CCDC191: variants seen among roughly 807,000 people sequenced by gnomAD.
CCDC191 encodes the protein coiled-coil domain containing 191.
A neutral mutation model predicts 114.0 loss-of-function variants in CCDC191; 99 were observed. That is an observed-to-expected ratio of 0.87 (90% CI 0.74 to 1.03). CCDC191 has a LOEUF of 1.03. Ranked by LOEUF, CCDC191 falls within the 50% of genes least tolerant of loss-of-function variation. The probability of loss-of-function intolerance (pLI) is 0.00; values close to 1 mark genes in which losing one functional copy is unlikely to be tolerated. For missense variants in CCDC191, 973 were observed against 1,087.0 expected, an observed-to-expected ratio of 0.90 and a Z score of 1.47; for synonymous variants, 351 against 376.0, an observed-to-expected ratio of 0.93 and a Z score of 0.77.
At chr3:113,978,649 C>G (rs889139244) in intron 15 of CCDC191, 13 of 616,744 alleles carry the variant, frequency 2.1e-5, no homozygotes, top group Non-Finnish European at 3.3e-5. Context: ...TTTATACACA[C>G]TCCGTGAAAC....
intron 10 of CCDC191, 30 bp downstream of exon 10, chr3:114,005,478 G>A: frequency 1.3e-6 from 2 of 1,566,318 alleles, no homozygotes; most frequent in Non-Finnish European, 1.7e-6. Flanking sequence ...CTTAAAATGA[G>A]TCCAGCGAGT....
intron 16 of CCDC191, among the ~76,000 whole-genome samples, chr3:113,975,522 G>A (rs1277074203): frequency 1.3e-5 from 2 of 152,160 alleles, no homozygotes; most frequent in Non-Finnish European, 2.9e-5. Flanking sequence ...TGTTACCTAT[G>A]TACTGAGCGC....
intron 16 of CCDC191, among the ~76,000 whole-genome samples, chr3:113,973,748 T>C (rs1251493080): frequency 6.6e-6 from 1 of 152,088 alleles, no homozygotes; most frequent in Non-Finnish European, 1.5e-5. Flanking sequence ...TTTAGGATCC[T>C]CTTTGTCCTT....
intron 13 of CCDC191, among the ~76,000 whole-genome samples, chr3:113,995,261 T>A (rs2107644506): frequency 6.6e-6 from 1 of 152,180 alleles, no homozygotes; most frequent in Admixed American, 6.5e-5. Context: ...ACTTCAGCAC[T>A]CCACAATATA....
chr3:113,981,245 A>G (rs781423743), intron 13 of CCDC191, among the ~76,000 whole-genome samples: 7 of 152,198 alleles, frequency 4.6e-5, no homozygotes, highest in East Asian at 1.9e-4. Context: ...GTGAAGAACA[A>G]TAAGTCCAGA....
chr3:114,008,249 G>C (rs1487266), intron 9 of CCDC191, among the ~76,000 whole-genome samples: 4 of 149,498 alleles, frequency 2.7e-5, no homozygotes, highest in Admixed American at 6.7e-5. Flanking sequence ...TCTTTCTTAA[G>C]ATAGAAGTCT....
At chr3:114,002,936 G>A (rs533850363) in intron 11 of CCDC191, 15 of 982,870 alleles carry the variant, frequency 1.5e-5, no homozygotes, top group Non-Finnish European at 1.7e-5. Flanking sequence ...GAGTAGAATC[G>A]TTCCTCAAAT....
intron 10 of CCDC191, 98 bp downstream of exon 10, chr3:114,005,410 A>G: frequency 8.3e-7 from 1 of 1,203,698 alleles, no homozygotes; most frequent in Non-Finnish European, 1.2e-6. Flanking sequence ...AGGAAAAGGA[A>G]CAATCATGGG....
At chr3:113,980,852 T>A in intron 13 of CCDC191, 59 bp from the exon 14 acceptor site, 1 of 1,472,016 alleles carries the variant, frequency 6.8e-7, no homozygotes, top group Non-Finnish European at 9.3e-7. Flanking sequence ...TTCATTTCAA[T>A]GAAAAGCTAA....
chr3:113,984,292 A>T (rs1383090398), intron 13 of CCDC191: 1 of 152,120 alleles, frequency 6.6e-6, no homozygotes, highest in Non-Finnish European at 1.5e-5. Flanking sequence ...GGTACACTCA[A>T]TGAGCAAAAA....
At chr3:114,004,199 A>T in intron 11 of CCDC191, 1 of 969,288 alleles carries the variant, frequency 1.0e-6, no homozygotes, top group Non-Finnish European at 1.2e-6. Context: ...TCAACAAGTT[A>T]TAATATTATA....
chr3:114,008,890 G>A (rs1378517038), intron 9 of CCDC191, among the ~76,000 whole-genome samples: 5 of 152,022 alleles, frequency 3.3e-5, no homozygotes, highest in Non-Finnish European at 7.4e-5. Context: ...TGATTTTGTT[G>A]TGTAAACACT....
intron 8 of CCDC191, among the ~76,000 whole-genome samples, chr3:114,017,871 AAAAC>A (rs2076185638): frequency 6.6e-6 from 1 of 152,336 alleles, no homozygotes; most frequent in East Asian, 1.9e-4. Flanking sequence ...TAAATAAAGA[AAAAC>A]AAACAACCAA....
In CCDC191 at chr3:114,045,139, AC is replaced by A. The variant is rs576386331; in HGVS notation, c.271+1451del. Among the ~76,000 whole-genome samples, 5 of 151,988 alleles carry A rather than the reference AC, an allele frequency of 3.3e-5. No homozygotes were observed. The South Asian group carries it at 1.0e-3, about 32-fold the overall frequency. ...CTTTTCAACTGCAGGACTTCTCAAA[AC>A]CCTTAACAGGCTAAAGTATATTGGG... On this transcript the variant is annotated intron_variant, in intron 3 of 16. Coordinates refer to ENST00000295878, the MANE Select transcript of CCDC191 (RefSeq NM_020817.2).
rs145896589 is a variant in CCDC191, at chr3:113,978,329, G to T, written c.2463C>A (p.Tyr821Ter). The T allele has an allele frequency of 6.2e-6, 10 of 1,613,558 alleles. No homozygotes were observed. The highest frequency in any genetic ancestry group is 2.2e-5 in the South Asian group (2 of 91,046). ...TTACTTCTTCCTGCAGATCAATCAC[G>T]TACTGGGGATGAAGACAGAAATAAA... ...LKRVIQSWLQ[Y>*]VIDLQEEVRK... Residue 821 changes from tyrosine to a stop codon, truncating the protein, a stop_gained and splice_region_variant, in exon 16 of 17, where the codon TAC becomes TAA. Transcript: ENST00000295878. LOFTEE classifies it high-confidence loss of function.
In CCDC191 at chr3:113,978,335, G is replaced by A. The variant is rs779469381; in HGVS notation, c.2461-4C>T. 4 of 1,613,292 alleles carry A rather than the reference G, an allele frequency of 2.5e-6. No individual in the cohort carries two copies. Among genetic ancestry groups the A allele is most frequent in the South Asian group, 1.1e-5 (1 of 91,018 alleles). ...CTTCCTGCAGATCAATCACGTACTG[G>A]GGATGAAGACAGAAATAAAAGTGAG... On this transcript the variant is annotated splice_polypyrimidine_tract_variant and splice_region_variant and intron_variant, in intron 15 of 16. Transcript: ENST00000295878.
intron 8 of CCDC191, among the ~76,000 whole-genome samples, chr3:114,013,270 G>A (rs1050174925): frequency 2.0e-5 from 3 of 151,650 alleles, no homozygotes; most frequent in African/African-American, 7.2e-5. Flanking sequence ...AAGTAAAAAA[G>A]AAAAAACAGA....
chr3:114,039,211 GA>G (rs796304324), intron 4 of CCDC191, among the ~76,000 whole-genome samples: 1 of 150,852 alleles, frequency 6.6e-6, no homozygotes, highest in Admixed American at 6.6e-5. Context: ...CTACTTATTA[GA>G]AAAAAAAATT....
chr3:114,006,067 T>G, intron 9 of CCDC191, 105 bp from the exon 10 acceptor site: 1 of 1,015,130 alleles, frequency 9.9e-7, no homozygotes, highest in Non-Finnish European at 1.5e-6. Context: ...ACAACTGCCA[T>G]GTATTGCAGG....
Sources: allele counts gnomAD v4.1 joint callset (sites outside exome capture counted in the v4.1 genomes callset), GRCh38; gene constraint gnomAD v4.1.1; transcripts MANE v1.5; gene names NCBI Gene and HGNC (gene_info 2026-07-23, HGNC 2026-07-21).